MPP7: variants seen among roughly 807,000 people sequenced by gnomAD.
MPP7 encodes the protein MAGUK p55 scaffold protein 7.
MPP7 carries 60 observed loss-of-function variants against 76.5 expected under a neutral mutation model. The observed-to-expected ratio is 0.78, with a 90% CI of 0.64 to 0.97. The LOEUF (loss-of-function observed/expected upper bound fraction) is 0.97, where lower values mean the gene tolerates loss of function less well. Among genes scored for constraint, MPP7 ranks in the 50% least tolerant of loss-of-function variants. The pLI is 0.00. For missense variants in MPP7, 641 were observed against 694.0 expected (o/e 0.92, Z 0.86); for synonymous variants, 237 against 244.5 (o/e 0.97, Z 0.29).
At chr10:28,281,573 AAAAAT>A (rs1355110393) in intron 1 of MPP7, among the ~76,000 whole-genome samples, 1 of 152,118 alleles carries the variant, frequency 6.6e-6, no homozygotes, top group Non-Finnish European at 1.5e-5. Context: ...CAGAGACAGA[AAAAAT>A]AAAAACAGCT....
intron 1 of MPP7, among the ~76,000 whole-genome samples, chr10:28,257,069 A>C (rs1839809420): frequency 6.6e-6 from 1 of 152,332 alleles, no homozygotes; most frequent in Non-Finnish European, 1.5e-5. Flanking sequence ...AAACAGCATA[A>C]GTTTCAACAT....
chr10:28,095,536 T>C (rs1305817335), intron 11 of MPP7, among the ~76,000 whole-genome samples: 2 of 152,144 alleles, frequency 1.3e-5, no homozygotes, highest in African/African-American at 4.8e-5. Context: ...CAGTACACCT[T>C]AGTTAAGTCT....
At chr10:28,209,144 G>A (rs957615240) in intron 2 of MPP7, among the ~76,000 whole-genome samples, 4 of 152,096 alleles carry the variant, frequency 2.6e-5, no homozygotes, top group African/African-American at 4.8e-5. Context: ...GCAGAGCCGT[G>A]AGCCAATTAT....
chr10:28,316,547 C>T (rs917438604), intron 2 of MPP7, among the ~76,000 whole-genome samples: 8 of 137,482 alleles, frequency 5.8e-5, no homozygotes, highest in African/African-American at 2.2e-4. Flanking sequence ...TTAATTATAA[C>T]AAATGCACCA....
At chr10:28,268,213 C>T (rs1213665329) in intron 1 of MPP7, among the ~76,000 whole-genome samples, 1 of 152,054 alleles carries the variant, frequency 6.6e-6, no homozygotes, top group East Asian at 1.9e-4. Flanking sequence ...CAGGGAACCG[C>T]CATGTGAGAG....
chr10:28,089,940 A>ATT (rs1853216791), intron 11 of MPP7, 99 bp from the exon 12 acceptor site: 5 of 692,116 alleles, frequency 7.2e-6, no homozygotes, highest in Non-Finnish European at 1.2e-5. Context: ...TTTATTTACC[A>ATT]TAATATTGGG....
chr10:28,119,540 A>G, intron 11 of MPP7, 111 bp downstream of exon 11: 1 of 774,688 alleles, frequency 1.3e-6, no homozygotes, highest in African/African-American at 1.8e-5. Context: ...TGATGATCCC[A>G]AAGTTATTGC....
intron 1 of MPP7, among the ~76,000 whole-genome samples, chr10:28,273,196 G>A (rs1840383344): frequency 6.6e-6 from 1 of 152,180 alleles, no homozygotes; most frequent in South Asian, 2.1e-4. Context: ...GGGATTACAG[G>A]CGTGAGCCAC....
intron 13 of MPP7, among the ~76,000 whole-genome samples, chr10:28,062,694 G>A (rs908044270): frequency 7.2e-5 from 11 of 151,912 alleles, no homozygotes; most frequent in African/African-American, 1.5e-4. Context: ...TAAAAACTTC[G>A]ACACCATTCA....
intron 3 of MPP7, among the ~76,000 whole-genome samples, chr10:28,162,017 A>G (rs1312475805): frequency 6.6e-6 from 1 of 152,228 alleles, no homozygotes; most frequent in Non-Finnish European, 1.5e-5. Context: ...AAGCAATTGA[A>G]TTCAAATCTG....
At chr10:28,134,071 A>G (rs1393225021) in intron 5 of MPP7, among the ~76,000 whole-genome samples, 1 of 152,202 alleles carries the variant, frequency 6.6e-6, no homozygotes, top group African/African-American at 2.4e-5. Context: ...TATATTTAAG[A>G]GTAGAATGTC....
intron 2 of MPP7, among the ~76,000 whole-genome samples, chr10:28,227,274 A>C (rs74129028): frequency 0.17 from 26,362 of 152,188 alleles, 2,568 homozygotes; most frequent in African/African-American, 0.26. Context: ...GAACAGCTTG[A>C]GGTCAACTAC....
intron 11 of MPP7, among the ~76,000 whole-genome samples, chr10:28,116,269 C>T (rs2133588212): frequency 6.6e-6 from 1 of 152,078 alleles, no homozygotes; most frequent in South Asian, 2.1e-4. Flanking sequence ...CAAACAATAC[C>T]ACAAATGAAT....
chr10:28,081,466 CTG>C lies in MPP7; in HGVS notation c.1123+8203_1123+8204del, dbSNP rs1202888496. The stretch of plus-strand genomic sequence containing the variant: ...AATGCAGAAGGAAATTTAACAGAAA[CTG>C]TCATTGAGATGTTTTGGTGGCTAAA... On this transcript the variant is annotated intron_variant, in intron 12 of 16. Coordinates refer to ENST00000683449, the MANE Select transcript of MPP7 (RefSeq NM_001318170.2). Among the ~76,000 whole-genome samples, 4 of 152,246 alleles carry C rather than the reference CTG, an allele frequency of 2.6e-5. No individual in the cohort carries two copies. In the East Asian group the frequency reaches 7.7e-4, roughly 29 times the overall value.
intron 2 of MPP7, among the ~76,000 whole-genome samples, chr10:28,325,971 A>C (rs1834409270): frequency 8.6e-6 from 1 of 116,000 alleles, no homozygotes; most frequent in Non-Finnish European, 1.8e-5. Context: ...GTGAGACCTC[A>C]TCTCAAAAAA....
chr10:28,310,402 C>A (rs1841283269), intron 2 of MPP7, among the ~76,000 whole-genome samples: 1 of 152,126 alleles, frequency 6.6e-6, no homozygotes, highest in Non-Finnish European at 1.5e-5. Context: ...CTGCTCCACT[C>A]TCCCATGTTC....
chr10:28,325,248 GTCAGAGTCAA>G (rs1327358209), intron 2 of MPP7, among the ~76,000 whole-genome samples: 6 of 152,152 alleles, frequency 3.9e-5, no homozygotes, highest in Non-Finnish European at 8.8e-5. Flanking sequence ...TTGCCTCATG[GTCAGAGTCAA>G]TAACATTAGC....
chr10:28,084,749 A>G (rs577655466), intron 12 of MPP7, among the ~76,000 whole-genome samples: 5 of 152,330 alleles, frequency 3.3e-5, no homozygotes, highest in African/African-American at 1.2e-4. Flanking sequence ...CAGGTTGACC[A>G]TGGGAAATGT....
chr10:28,187,920 A>T (rs1837289336), intron 3 of MPP7, among the ~76,000 whole-genome samples: 1 of 152,232 alleles, frequency 6.6e-6, no homozygotes. Flanking sequence ...TAATTTTAGT[A>T]AGAAAATCTG....
Sources: allele counts gnomAD v4.1 joint callset (sites outside exome capture counted in the v4.1 genomes callset), GRCh38; gene constraint gnomAD v4.1.1; transcripts MANE v1.5; gene names NCBI Gene and HGNC (gene_info 2026-07-23, HGNC 2026-07-21).